TENM2: variants seen among roughly 807,000 people sequenced by gnomAD.
TENM2 encodes the protein teneurin-2.
A neutral mutation model predicts 245.2 loss-of-function variants in TENM2; 52 were observed. That is an observed-to-expected ratio of 0.21 (90% CI 0.17 to 0.27). The LOEUF (loss-of-function observed/expected upper bound fraction) is 0.27. TENM2 is among the 10% of genes least tolerant of loss of function. TENM2 has a pLI of 1.00. For missense variants in TENM2, 3,046 were observed against 3,666.8 expected (o/e 0.83, Z 4.37); for synonymous variants, 1,363 against 1,438.9 (o/e 0.95, Z 1.19).
At chr5:167,070,173 AGGGGCGCGATCTCGG>A in the TENM2 span, among the ~76,000 whole-genome samples, 4 of 144,616 alleles carry the variant, frequency 2.8e-5, no homozygotes, top group African/African-American at 1.0e-4. Context: ...GCTGGAGTGC[AGGGGCGCGATCTCGG>A]CTCACTGCAA....
chr5:167,214,589 G>A, the TENM2 span, among the ~76,000 whole-genome samples: 551 of 152,228 alleles, frequency 3.6e-3, 5 homozygotes, highest in African/African-American at 0.013. Flanking sequence ...ATAGTCTTCA[G>A]CTATCTATCT....
At chr5:168,140,298 G>A (rs1755427999) in intron 12 of TENM2, among the ~76,000 whole-genome samples, 1 of 152,208 alleles carries the variant, frequency 6.6e-6, no homozygotes, top group African/African-American at 2.4e-5. Flanking sequence ...ACAACAGAAA[G>A]TATTTTACAC....
At chr5:167,949,223 C>T (rs1779884356) in intron 3 of TENM2, among the ~76,000 whole-genome samples, 1 of 152,142 alleles carries the variant, frequency 6.6e-6, no homozygotes, top group South Asian at 2.1e-4. Context: ...TCAGATAAGC[C>T]ACCCCACCCC....
In TENM2 at chr5:167,897,887, A is replaced by AT. The variant is rs1432727515; in HGVS notation, c.712+21694dup. Among the ~76,000 whole-genome samples the AT allele has an allele frequency of 1.1e-3, 157 of 136,820 alleles. 4 individuals are homozygous for AT. Among genetic ancestry groups the AT allele is most frequent in the African/African-American group, 3.7e-3 (136 of 36,714 alleles). The allele number at this position is 136,820 out of a possible 152,430, so 89.8% of individuals were successfully genotyped here. A position where few individuals can be genotyped will look rare whatever the true frequency, so the allele number is the denominator to read the frequency against. On this transcript the variant is annotated intron_variant, in intron 3 of 28. Transcript: ENST00000518659. ...ATTTCAGTTGGGTAATCCGTAGTAA[A>AT]TTGTTTTTTTTTTTTTTTTTTTTGC... is the stretch of plus-strand genomic sequence containing the variant.
At chr5:168,181,933 G>A (rs1480035699) in intron 13 of TENM2, among the ~76,000 whole-genome samples, 3 of 151,444 alleles carry the variant, frequency 2.0e-5, no homozygotes, top group South Asian at 2.1e-4. Flanking sequence ...TGCCTCAGCC[G>A]CCCGAACTGC....
chr5:167,605,744 A>G (rs1459711600), intron 2 of TENM2, among the ~76,000 whole-genome samples: 1 of 152,170 alleles, frequency 6.6e-6, no homozygotes, highest in Non-Finnish European at 1.5e-5. Context: ...AGGTAAATTG[A>G]TTGGCTGTTT....
intron 9 of TENM2, among the ~76,000 whole-genome samples, chr5:168,110,043 T>C (rs931228669): frequency 1.4e-5 from 2 of 145,458 alleles, no homozygotes; most frequent in Admixed American, 1.3e-4. Context: ...ACCCTTCTTT[T>C]TTTTTTTTTT....
chr5:167,297,592 T>C (rs1480116824), intron 1 of TENM2: 1 of 152,188 alleles, frequency 6.6e-6, no homozygotes, highest in Non-Finnish European at 1.5e-5. Context: ...TGTTGAAAGA[T>C]GAAGTCAGTA....
intron 9 of TENM2, among the ~76,000 whole-genome samples, chr5:168,117,666 G>T (rs1795178694): frequency 6.6e-6 from 1 of 152,202 alleles, no homozygotes; most frequent in South Asian, 2.1e-4. Flanking sequence ...GATACAGGGG[G>T]ACTACTTCAT....
chr5:167,056,557 A>G, the TENM2 span, among the ~76,000 whole-genome samples: 1 of 144,954 alleles, frequency 6.9e-6, no homozygotes, highest in Admixed American at 6.9e-5. Context: ...ATAAATATAT[A>G]TCTATATAAA....
intron 2 of TENM2, among the ~76,000 whole-genome samples, chr5:167,576,769 A>G (rs144022273): frequency 6.6e-5 from 10 of 152,160 alleles, no homozygotes; most frequent in African/African-American, 2.4e-4. Context: ...AAAGCATGCA[A>G]CCTCTAAAGT....
chr5:167,609,035 C>T (rs1777259786), intron 2 of TENM2, among the ~76,000 whole-genome samples: 1 of 152,128 alleles, frequency 6.6e-6, no homozygotes, highest in Non-Finnish European at 1.5e-5. Flanking sequence ...CATGAGTAAG[C>T]ATGCTATCCT....
the TENM2 span, among the ~76,000 whole-genome samples, chr5:167,129,643 T>G: frequency 6.6e-6 from 1 of 152,148 alleles, no homozygotes; most frequent in Non-Finnish European, 1.5e-5. Context: ...TAAATTACTA[T>G]TGGCGTGAAA....
chr5:167,388,764 T>G (rs968832185), intron 2 of TENM2, among the ~76,000 whole-genome samples: 1 of 152,162 alleles, frequency 6.6e-6, no homozygotes, highest in Non-Finnish European at 1.5e-5. Context: ...GACCCAATGA[T>G]CATTCAGGAA....
At chr5:167,758,863 A>G (rs1057430865) in intron 2 of TENM2, among the ~76,000 whole-genome samples, 3 of 151,772 alleles carry the variant, frequency 2.0e-5, no homozygotes, top group Admixed American at 6.6e-5. Context: ...TCATGCTAGG[A>G]CCTTGATTGA....
At chr5:167,515,656 T>TAC (rs1483685689) in intron 2 of TENM2, among the ~76,000 whole-genome samples, 3 of 95,320 alleles carry the variant, frequency 3.1e-5, no homozygotes, top group Non-Finnish European at 7.0e-5. Context: ...TATACACATA[T>TAC]ATACGTATAT....
chr5:167,162,799 G>A, the TENM2 span, among the ~76,000 whole-genome samples: 1 of 152,176 alleles, frequency 6.6e-6, no homozygotes, highest in East Asian at 1.9e-4. Context: ...TCAGAAAAAT[G>A]CGTAACTATG....
chr5:168,027,323 TC>T (rs1786713977), intron 5 of TENM2, among the ~76,000 whole-genome samples: 5 of 152,152 alleles, frequency 3.3e-5, no homozygotes, highest in Admixed American at 3.3e-4. Context: ...AAATGCAGCC[TC>T]CCCCTTACAT....
chr5:167,339,280 G>A lies in TENM2; in HGVS notation c.227-35918G>A, dbSNP rs10061509. Among the ~76,000 whole-genome samples the A allele has an allele frequency of 7.7e-3, 1,168 of 152,256 alleles. 22 individuals are homozygous for A. The highest frequency in any genetic ancestry group is 0.027 in the African/African-American group (1,131 of 41,560). On this transcript the variant is annotated intron_variant, in intron 1 of 28. Transcript: ENST00000518659. Reference sequence around the variant, plus strand: ...TTTCAAAATACAGTGATAGACAGTCGTAGACTAAAACTTCCCATTCCAAAA... The same window carrying A: ...TTTCAAAATACAGTGATAGACAGTCATAGACTAAAACTTCCCATTCCAAAA...
Sources: gnomAD v4.1 joint callset for allele counts (sites outside exome capture counted in the v4.1 genomes callset) on GRCh38, gnomAD v4.1.1 for gene constraint, MANE v1.5 for transcripts, NCBI Gene and HGNC (gene_info 2026-07-23, HGNC 2026-07-21) for gene names.